The following ARHGAP17 variants were observed in gnomAD, a reference collection of about 807,000 sequenced individuals.
The protein encoded by ARHGAP17 is Rho GTPase activating protein 17.
Under a neutral mutation model 99.5 loss-of-function variants are expected in ARHGAP17, and 57 were observed. That is an observed-to-expected ratio of 0.57 (90% CI 0.46 to 0.71). The LOEUF (loss-of-function observed/expected upper bound fraction) is 0.71. ARHGAP17 is among the 30% of genes least tolerant of loss of function. The pLI is 0.00. For synonymous variants in ARHGAP17, 417 were observed against 429.6 expected (o/e 0.97, Z 0.36); for missense variants, 1,000 against 1,122.4 (o/e 0.89, Z 1.56).
intron 1 of ARHGAP17, among the ~76,000 whole-genome samples, chr16:24,995,135 T>G (rs996228646): frequency 6.6e-6 from 1 of 152,164 alleles, no homozygotes; most frequent in African/African-American, 2.4e-5. Flanking sequence ...ATAAGGGTAA[T>G]GGCCCGATAA....
At chr16:24,988,298 A>G (rs537183917) in intron 1 of ARHGAP17, among the ~76,000 whole-genome samples, 1 of 152,368 alleles carries the variant, frequency 6.6e-6, no homozygotes, top group South Asian at 2.1e-4. Flanking sequence ...GCAGTTTAAA[A>G]GCCGTAAGAG....
chr16:25,015,063 C>T, intron 1 of ARHGAP17, 146 bp downstream of exon 1: 1 of 787,454 alleles, frequency 1.3e-6, no homozygotes, highest in Non-Finnish European at 1.6e-6. Context: ...CGCGGCGCAG[C>T]CCCCGGGCCC....
chr16:24,920,112 G>T lies in ARHGAP17; in HGVS notation c.*18C>A. The T allele has an allele frequency of 6.2e-7, 1 of 1,610,182 alleles. No individual in the cohort carries two copies. Among genetic ancestry groups the T allele is most frequent in the Non-Finnish European group, 8.5e-7 (1 of 1,177,162 alleles). ...CTCGCCAGGGTGGAAGTGGTGGAGGGCTGGGAAAGGGCTTTCTTCACAGGG... is the reference window on the plus strand; with the variant it reads ...CTCGCCAGGGTGGAAGTGGTGGAGGTCTGGGAAAGGGCTTTCTTCACAGGG... On this transcript the variant is annotated 3_prime_UTR_variant, in exon 20 of 20. Transcript: ENST00000289968.
intron 1 of ARHGAP17, among the ~76,000 whole-genome samples, chr16:25,013,410 G>A (rs1456541068): frequency 6.6e-6 from 1 of 152,114 alleles, no homozygotes. Flanking sequence ...ATCAGTTGAG[G>A]CCAGGAGTTC....
chr16:24,944,378 A>G (rs1365344444), intron 14 of ARHGAP17, among the ~76,000 whole-genome samples: 1 of 152,012 alleles, frequency 6.6e-6, no homozygotes, highest in African/African-American at 2.4e-5. Flanking sequence ...GTGCACTGTG[A>G]TAACAACCAC....
chr16:24,996,349 G>A (rs892794170), intron 1 of ARHGAP17, among the ~76,000 whole-genome samples: 3 of 152,128 alleles, frequency 2.0e-5, no homozygotes, highest in African/African-American at 2.4e-5. Flanking sequence ...TGGCAGGAGC[G>A]AGAGTCTTCT....
At chr16:24,924,579 CT>C (rs1210173251) in intron 19 of ARHGAP17, among the ~76,000 whole-genome samples, 1 of 151,958 alleles carries the variant, frequency 6.6e-6, no homozygotes, top group Non-Finnish European at 1.5e-5. Flanking sequence ...AAAGCAGGTT[CT>C]GGCTGGGTGT....
chr16:24,931,281 C>T lies in ARHGAP17; in HGVS notation c.2018G>A (p.Arg673Gln), dbSNP rs767131053. 16 of 1,519,548 alleles carry T rather than the reference C, an allele frequency of 1.1e-5. No individual in the cohort carries two copies. Among genetic ancestry groups the T allele is most frequent in the African/African-American group, 1.4e-5 (1 of 71,474 alleles). 94.1% of individuals were successfully genotyped at this position (1,519,548 alleles called of 1,614,324 possible). ...GTGCTGGGTGGGAGGAGAGGGGCTTCGGGTGGGTGGCTTTGGTGACAGACT... is the reference window on the plus strand; with the variant it reads ...GTGCTGGGTGGGAGGAGAGGGGCTTTGGGTGGGTGGCTTTGGTGACAGACT... The part of the protein sequence containing the change: ...PPSLSPKPPT[R>Q]SPSPPTQHTG... The change falls in exon 19 of 20, where the codon CGA becomes CAA. Residue 673 changes from arginine (R) to glutamine (Q), a missense_variant. Around this residue, in one of 2 missense-constraint regions of ARHGAP17, gnomAD observed 528 missense variants for 511.4 expected, o/e 1.03. Coordinates refer to ENST00000289968, the MANE Select transcript of ARHGAP17 (RefSeq NM_001006634.3).
rs1751451917 is a variant in ARHGAP17 at position 24,978,885 on chromosome 16, A to G, written c.93+81T>C. On this transcript the variant is annotated intron_variant, in intron 2 of 19. Transcript: ENST00000289968. Reference sequence around the variant, plus strand: ...TCTGGTTAAAAAAAAAAAAAAAAAAAGCCCACAGGCCTCAATTCTCACATA... The same window carrying G: ...TCTGGTTAAAAAAAAAAAAAAAAAAGGCCCACAGGCCTCAATTCTCACATA... 8 of 862,116 alleles carry G rather than the reference A, an allele frequency of 9.3e-6. No homozygotes were observed. The South Asian group carries it at 1.1e-4, about 12-fold the overall frequency. 53.4% of individuals were successfully genotyped at this position (862,116 alleles called of 1,614,324 possible).
At chr16:24,987,674 C>T (rs2052914916) in intron 1 of ARHGAP17, among the ~76,000 whole-genome samples, 1 of 152,104 alleles carries the variant, frequency 6.6e-6, no homozygotes, top group Non-Finnish European at 1.5e-5. Context: ...CATCAAACAT[C>T]AATGGCTCCC....
intron 3 of ARHGAP17, among the ~76,000 whole-genome samples, chr16:24,973,736 G>T (rs549901396): frequency 6.6e-5 from 10 of 152,288 alleles, no homozygotes; most frequent in African/African-American, 2.4e-4. Flanking sequence ...TGATCCATTT[G>T]TATGTATCTC....
chr16:25,001,658 G>A (rs1024217794), intron 1 of ARHGAP17, among the ~76,000 whole-genome samples: 10 of 152,152 alleles, frequency 6.6e-5, no homozygotes, highest in African/African-American at 4.8e-5. Flanking sequence ...GGCCTCAAGC[G>A]ATCCTCCGGC....
At chr16:24,983,569 T>C (rs1047021396) in intron 1 of ARHGAP17, among the ~76,000 whole-genome samples, 1 of 152,300 alleles carries the variant, frequency 6.6e-6, no homozygotes, top group East Asian at 1.9e-4. Flanking sequence ...ACTCCCAAAG[T>C]GCTAGGCGTG....
At chr16:24,986,394 C>T (rs138448522) in intron 1 of ARHGAP17, among the ~76,000 whole-genome samples, 9 of 152,290 alleles carry the variant, frequency 5.9e-5, no homozygotes, top group Non-Finnish European at 1.3e-4. Context: ...CAGGGGTCAG[C>T]AAACTATACC....
chr16:24,969,204 C>T (rs999208568), intron 4 of ARHGAP17, among the ~76,000 whole-genome samples: 16 of 152,196 alleles, frequency 1.1e-4, no homozygotes, highest in African/African-American at 3.9e-4. Context: ...CACTTAAGGG[C>T]CCTGTTACAT....
chr16:24,948,587 G>C (rs1366084906), intron 13 of ARHGAP17, among the ~76,000 whole-genome samples: 1 of 152,096 alleles, frequency 6.6e-6, no homozygotes, highest in Non-Finnish European at 1.5e-5. Flanking sequence ...ACACTGAATA[G>C]AGGAAGAGTA....
chr16:24,932,780 T>C lies in ARHGAP17; in HGVS notation c.1895-1376A>G, dbSNP rs942365701. Among the ~76,000 whole-genome samples, 4 of 151,754 alleles carry C rather than the reference T, an allele frequency of 2.6e-5. No homozygotes were observed. The East Asian group carries it at 7.7e-4, about 29-fold the overall frequency. Reference sequence around the variant, plus strand: ...AGGGCAGGAGGGAAAACAACAGATCTGGGGCTCTGGTTTTGGGCTGGGAGG... The same window carrying C: ...AGGGCAGGAGGGAAAACAACAGATCCGGGGCTCTGGTTTTGGGCTGGGAGG... On this transcript the variant is annotated intron_variant, in intron 18 of 19. Transcript: ENST00000289968.
chr16:24,920,181 A>G lies in ARHGAP17; in HGVS notation c.2595T>C (p.Pro865=), dbSNP rs757121897. 1 of 1,614,050 alleles carries G rather than the reference A, an allele frequency of 6.2e-7. No individual in the cohort carries two copies. The highest frequency in any genetic ancestry group is 1.3e-5 in the African/African-American group (1 of 74,918). Residue 865 remains proline, a synonymous_variant, in exon 20 of 20, where the codon CCT becomes CCC. Coordinates refer to ENST00000289968, the MANE Select transcript of ARHGAP17 (RefSeq NM_001006634.3). ...MHSDSASKDV[P]GRILLDIDND... ...TGTCTATATCCAGCAGGATGCGGCC[A>G]GGCACGTCTTTGCTGGCTGAGTCTG...
intron 1 of ARHGAP17, among the ~76,000 whole-genome samples, chr16:24,985,877 T>G (rs143221118): frequency 6.6e-6 from 1 of 151,988 alleles, no homozygotes; most frequent in Non-Finnish European, 1.5e-5. Context: ...CACAGGTAGA[T>G]AGAGACACGA....
Sources: allele counts gnomAD v4.1 joint callset (sites outside exome capture counted in the v4.1 genomes callset), GRCh38; gene constraint gnomAD v4.1.1; regional missense constraint gnomAD v4.1.1; transcripts MANE v1.5; gene names NCBI Gene and HGNC (gene_info 2026-07-23, HGNC 2026-07-21).